Variants in IL1RAPL2 observed in about 807,000 individuals in gnomAD.
The protein encoded by IL1RAPL2 is X-linked interleukin-1 receptor accessory protein-like 2.
A neutral mutation model predicts 44.1 loss-of-function variants in IL1RAPL2; 3 were observed. The observed-to-expected ratio is 0.07, with a 90% CI of 0.03 to 0.18. The LOEUF (loss-of-function observed/expected upper bound fraction) is 0.18. Among genes scored for constraint, IL1RAPL2 ranks in the 10% least tolerant of loss-of-function variants. IL1RAPL2 has a pLI of 1.00. For missense variants in IL1RAPL2, 391 were observed against 496.4 expected (o/e 0.79, Z 2.02); for synonymous variants, 181 against 178.8 (o/e 1.01, Z -0.10).
intron 2 of IL1RAPL2, among the ~76,000 whole-genome samples, chrX:104,762,159 G>T (rs761106020): frequency 5.5e-5 from 6 of 108,901 alleles, no homozygotes; most frequent in Admixed American, 5.0e-4. Flanking sequence ...CACCACGCCT[G>T]GCCAATTTTT....
intron 2 of IL1RAPL2, among the ~76,000 whole-genome samples, chrX:104,671,650 C>T (rs1930606705): frequency 8.9e-6 from 1 of 111,739 alleles, no homozygotes; most frequent in Non-Finnish European, 1.9e-5. Flanking sequence ...AAAATTGTTT[C>T]CTCGATTCTC....
chrX:105,111,237 C>A (rs1404339902), intron 2 of IL1RAPL2, among the ~76,000 whole-genome samples: 2 of 111,266 alleles, frequency 1.8e-5, no homozygotes, highest in Non-Finnish European at 3.8e-5. Flanking sequence ...TACTTTTGAG[C>A]CTAGTGGTTT....
intron 5 of IL1RAPL2, among the ~76,000 whole-genome samples, chrX:105,451,697 G>T (rs2036020480): frequency 8.9e-6 from 1 of 111,775 alleles, no homozygotes; most frequent in African/African-American, 3.3e-5. Flanking sequence ...TCTGTGAAAA[G>T]ATGAGGTATG....
chrX:105,652,834 C>A (rs769132161), intron 6 of IL1RAPL2, among the ~76,000 whole-genome samples: 22 of 110,380 alleles, frequency 2.0e-4, no homozygotes, highest in Admixed American at 4.9e-4. Flanking sequence ...AGTGTAAATG[C>A]AAAATATGTA....
At chrX:104,909,659 G>A (rs1353707148) in intron 2 of IL1RAPL2, among the ~76,000 whole-genome samples, 1 of 111,854 alleles carries the variant, frequency 8.9e-6, no homozygotes, top group Non-Finnish European at 1.9e-5. Flanking sequence ...GGCTGCTCGG[G>A]GGTCAGGGGT....
intron 6 of IL1RAPL2, among the ~76,000 whole-genome samples, chrX:105,710,104 A>C (rs187853187): frequency 9.0e-6 from 1 of 111,503 alleles, no homozygotes; most frequent in Non-Finnish European, 1.9e-5. Flanking sequence ...AGCACAGGCA[A>C]ATAACTATGA....
intron 2 of IL1RAPL2, among the ~76,000 whole-genome samples, chrX:104,840,150 G>A (rs2147634667): frequency 9.0e-6 from 1 of 111,521 alleles, no homozygotes; most frequent in East Asian, 2.8e-4. Context: ...TTTTAATTGT[G>A]ATGTTATGGT....
chrX:105,671,832 C>T (rs2037826906), intron 6 of IL1RAPL2, among the ~76,000 whole-genome samples: 1 of 110,822 alleles, frequency 9.0e-6, no homozygotes, highest in East Asian at 2.8e-4. Context: ...ACTATCTATT[C>T]ATTTTTTTTT....
chrX:105,165,770 G>A (rs951956382), intron 2 of IL1RAPL2, among the ~76,000 whole-genome samples: 13 of 111,336 alleles, frequency 1.2e-4, no homozygotes, highest in Non-Finnish European at 2.3e-4. Flanking sequence ...CCTCATAATT[G>A]TAGTTTCCTT....
intron 3 of IL1RAPL2, among the ~76,000 whole-genome samples, chrX:105,232,676 G>A (rs890025096): frequency 4.5e-5 from 5 of 111,684 alleles, no homozygotes; most frequent in Non-Finnish European, 9.4e-5. Flanking sequence ...AAAAATAAAG[G>A]CAGAATTTGT....
intron 2 of IL1RAPL2, among the ~76,000 whole-genome samples, chrX:104,941,338 A>G (rs1925168609): frequency 9.0e-6 from 1 of 111,080 alleles, no homozygotes; most frequent in African/African-American, 3.3e-5. Flanking sequence ...AAGTGTTCCT[A>G]TTTCTCCACA....
chrX:105,590,614 A>G (rs1321871737), intron 6 of IL1RAPL2, among the ~76,000 whole-genome samples: 2 of 111,491 alleles, frequency 1.8e-5, no homozygotes, highest in Non-Finnish European at 3.8e-5. Flanking sequence ...TATTGAGATG[A>G]CCATGTGGTT....
At chrX:104,787,026 T>G (rs898544798) in intron 2 of IL1RAPL2, among the ~76,000 whole-genome samples, 7 of 105,455 alleles carry the variant, frequency 6.6e-5, no homozygotes, top group Admixed American at 4.2e-4. Flanking sequence ...CTTTGTACTT[T>G]TTTGTGTATC....
chrX:105,379,875 G>A (rs1023432788), intron 5 of IL1RAPL2, among the ~76,000 whole-genome samples: 8 of 111,698 alleles, frequency 7.2e-5, no homozygotes, highest in African/African-American at 2.3e-4. Flanking sequence ...TCAAAACTGG[G>A]GCTCTGAGAT....
intron 5 of IL1RAPL2, among the ~76,000 whole-genome samples, chrX:105,448,474 C>G (rs1002814383): frequency 4.5e-5 from 5 of 110,001 alleles, no homozygotes; most frequent in African/African-American, 1.3e-4. Flanking sequence ...AGGTGATCCC[C>G]CTGCCTCAGC....
intron 5 of IL1RAPL2, among the ~76,000 whole-genome samples, chrX:105,298,647 G>A (rs1160105615): frequency 1.8e-5 from 2 of 109,782 alleles, no homozygotes; most frequent in East Asian, 5.7e-4. Flanking sequence ...CAATCTTGAG[G>A]GCTTTTACTA....
At chrX:104,766,368 GGCCTGCCTGCCTGCCT>G (rs3081246) in intron 2 of IL1RAPL2, among the ~76,000 whole-genome samples, 12 of 60,307 alleles carry the variant, frequency 2.0e-4, no homozygotes, top group African/African-American at 5.1e-4. Flanking sequence ...ATTCCTGGCT[GGCCTGCCTGCCTGCCT>G]GCCTGCCTGC....
chrX:105,300,485 C>A (rs2034688314), intron 5 of IL1RAPL2, among the ~76,000 whole-genome samples: 1 of 110,797 alleles, frequency 9.0e-6, no homozygotes, highest in African/African-American at 3.3e-5. Flanking sequence ...AAATTCACCC[C>A]AATGATCCAA....
At chrX:104,674,159 G>C (rs1439271256) in intron 2 of IL1RAPL2, among the ~76,000 whole-genome samples, 1 of 111,941 alleles carries the variant, frequency 8.9e-6, no homozygotes, top group African/African-American at 3.3e-5. Context: ...TTGAGAGAGG[G>C]CATCCCTGTC....
Sources: gnomAD v4.1 joint callset for allele counts (sites outside exome capture counted in the v4.1 genomes callset) on GRCh38, gnomAD v4.1.1 for gene constraint, MANE v1.5 for transcripts, NCBI Gene and HGNC (gene_info 2026-07-23, HGNC 2026-07-21) for gene names.